Variants in EPAS1 observed in about 807,000 individuals in gnomAD.
The protein encoded by EPAS1 is endothelial PAS domain protein 1.
In EPAS1, 23 loss-of-function variants were observed where a neutral mutation model predicts 87.9. That is an observed-to-expected ratio of 0.26 (90% CI 0.19 to 0.37). The LOEUF is 0.37. EPAS1 is among the 10% of genes least tolerant of loss of function. EPAS1 has a pLI of 1.00. For missense variants in EPAS1, 1,138 were observed against 1,120.7 expected (o/e 1.02, Z -0.22); for synonymous variants, 508 against 444.3 (o/e 1.14, Z -1.80).
At chr2:46,367,979 C>T (rs1407876948) in intron 6 of EPAS1, among the ~76,000 whole-genome samples, 1 of 152,122 alleles carries the variant, frequency 6.6e-6, no homozygotes, top group Non-Finnish European at 1.5e-5. Flanking sequence ...AAAGTAGATC[C>T]TTAGTGCCCA....
intron 1 of EPAS1, among the ~76,000 whole-genome samples, chr2:46,332,521 A>T (rs979088283): frequency 3.3e-5 from 5 of 152,148 alleles, no homozygotes; most frequent in Admixed American, 3.3e-4. Context: ...TGTGTCTTGC[A>T]GGGAAGTCAA....
At position 46,378,672 on chromosome 2, in the gene EPAS1, G is replaced by T; in HGVS notation, c.1459G>T (p.Asp487Tyr). 1 of 1,614,096 alleles carries T rather than the reference G, an allele frequency of 6.2e-7. No individual in the cohort carries two copies. Among genetic ancestry groups the T allele is most frequent in the Non-Finnish European group, 8.5e-7 (1 of 1,179,992 alleles). Residue 487 changes from aspartate to tyrosine, a missense_variant, in exon 11 of 16, where the codon GAC becomes TAC. Transcript: ENST00000263734. The stretch of plus-strand genomic sequence containing the variant: ...TGGCCCCTAGCCCAATAGCCCTGAA[G>T]ACTATTACACATCTTTGGATAACGA... ...SSCSTPNSPE[D>Y]YYTSLDNDLK...
At chr2:46,321,058 C>A (rs989875766) in intron 1 of EPAS1, among the ~76,000 whole-genome samples, 1 of 152,190 alleles carries the variant, frequency 6.6e-6, no homozygotes, top group Non-Finnish European at 1.5e-5. Context: ...ATGCTCCAAT[C>A]CCCGATAATC....
At chr2:46,313,463 T>A (rs1287300351) in intron 1 of EPAS1, among the ~76,000 whole-genome samples, 1 of 151,980 alleles carries the variant, frequency 6.6e-6, no homozygotes, top group African/African-American at 2.4e-5. Context: ...ATTTATTTAT[T>A]TATTTTTGAG....
chr2:46,304,087 C>A (rs1683062309), intron 1 of EPAS1, among the ~76,000 whole-genome samples: 1 of 152,170 alleles, frequency 6.6e-6, no homozygotes, highest in African/African-American at 2.4e-5. Context: ...CTCAAATGTT[C>A]CATCATCCTC....
chr2:46,318,170 GGAGA>G (rs896466748), intron 1 of EPAS1, among the ~76,000 whole-genome samples: 4 of 101,012 alleles, frequency 4.0e-5, no homozygotes, highest in Admixed American at 2.3e-4. Flanking sequence ...TTGGGGAGGG[GGAGA>G]GAGAGATACA....
chr2:46,301,524 C>T (rs774319722), intron 1 of EPAS1, among the ~76,000 whole-genome samples: 1 of 147,104 alleles, frequency 6.8e-6, no homozygotes, highest in Non-Finnish European at 1.5e-5. Context: ...CTGCAGTGAG[C>T]GGAGATAGCG....
chr2:46,378,243 C>A (rs1010190695), intron 10 of EPAS1, among the ~76,000 whole-genome samples, 156 bp downstream of exon 10: 2 of 152,246 alleles, frequency 1.3e-5, no homozygotes, highest in Admixed American at 6.5e-5. Context: ...GGTATCAGAG[C>A]TGTTTTCTTC....
At position 46,371,755 on chromosome 2, in the gene EPAS1, T is replaced by A. The variant is rs1684630854; in HGVS notation, c.886+1822T>A. ...TGGCCCAGCCGACCCACTGATTCCC[T>A]AGGGCCTGGATTTCTGGACCTTCCT... On this transcript the variant is annotated intron_variant, in intron 7 of 15. Coordinates refer to ENST00000263734, the MANE Select transcript of EPAS1 (RefSeq NM_001430.5). This position sits in a 1 kb window ranked among gnomAD's most constrained non-coding sequence, Gnocchi z 4.3. 6.6e-6 allele frequency among the ~76,000 whole-genome samples: 1 copy of A among 152,226 alleles called. No individual in the cohort carries two copies. The highest frequency in any genetic ancestry group is 1.5e-5 in the Non-Finnish European group (1 of 68,038).
At chr2:46,369,523 C>G (rs1684581441) in intron 6 of EPAS1, among the ~76,000 whole-genome samples, 1 of 152,176 alleles carries the variant, frequency 6.6e-6, no homozygotes, top group East Asian at 1.9e-4. Context: ...TCCAGTGGTT[C>G]TTGGAGAACA....
At chr2:46,312,943 A>C (rs1177921142) in intron 1 of EPAS1, among the ~76,000 whole-genome samples, 9 of 152,266 alleles carry the variant, frequency 5.9e-5, no homozygotes, top group Admixed American at 5.2e-4. Flanking sequence ...AGCACACCCA[A>C]ATCTCTAAAC....
chr2:46,318,763 A>G (rs1683395635), intron 1 of EPAS1, among the ~76,000 whole-genome samples: 1 of 152,242 alleles, frequency 6.6e-6, no homozygotes, highest in African/African-American at 2.4e-5. Context: ...TAAATTCAAC[A>G]TTAATTATTA....
At position 46,380,117 on chromosome 2, in the gene EPAS1, C is replaced by T. The variant is rs1684852757; in HGVS notation, c.1555-110C>T. 1 of 1,573,452 alleles carries T rather than the reference C, an allele frequency of 6.4e-7. No homozygotes were observed. The highest frequency in any genetic ancestry group is 2.2e-5 in the East Asian group (1 of 44,742). On this transcript the variant is annotated intron_variant, in intron 11 of 15. Coordinates refer to ENST00000263734, the MANE Select transcript of EPAS1 (RefSeq NM_001430.5). This position sits in a 1 kb window ranked among gnomAD's most constrained non-coding sequence, Gnocchi z 4.4. ...GGAGCCAGTGGAGGCGTTTGAGCAG[C>T]ACTGTGAAACAGTGCTTGAGATGAA...
At chr2:46,379,474 C>A (rs1429086811) in intron 11 of EPAS1, among the ~76,000 whole-genome samples, 1 of 152,214 alleles carries the variant, frequency 6.6e-6, no homozygotes, top group Admixed American at 6.5e-5. Context: ...CACCCTCCCT[C>A]CTCAGCACTC....
intron 10 of EPAS1, 122 bp downstream of exon 10, chr2:46,378,209 A>G (rs927881768): frequency 6.8e-7 from 1 of 1,469,440 alleles, no homozygotes; most frequent in African/African-American, 1.4e-5. Context: ...AGCCCCCTAG[A>G]GTGGCCGTGA....
In EPAS1 at chr2:46,385,358, T is replaced by TAAC. The variant is rs1034670344; in HGVS notation, c.*699_*701dup. Reference sequence around the variant, plus strand: ...GATTTTTTATTATTATTCAAAAACATAACTGAGTTTTTTAAAAGAGGAGAA... The same window carrying TAAC: ...GATTTTTTATTATTATTCAAAAACATAACAACTGAGTTTTTTAAAAGAGGAGAA... On this transcript the variant is annotated 3_prime_UTR_variant, in exon 16 of 16. Coordinates refer to ENST00000263734, the MANE Select transcript of EPAS1 (RefSeq NM_001430.5). 25 of 152,342 alleles carry TAAC rather than the reference T, an allele frequency of 1.6e-4. No homozygotes were observed. Among genetic ancestry groups the TAAC allele is most frequent in the Admixed American group, 1.4e-3 (22 of 15,296 alleles). 9.4% of individuals were successfully genotyped at this position (152,342 alleles called of 1,614,324 possible).
At chr2:46,359,276 A>AAAAAAAAAAAAAAAAAAAAAAAC (rs1684337581) in intron 4 of EPAS1, among the ~76,000 whole-genome samples, 3 of 148,760 alleles carry the variant, frequency 2.0e-5, no homozygotes, top group Non-Finnish European at 4.5e-5. Flanking sequence ...AAAAAAAAAA[A>AAAAAAAAAAAAAAAAAAAAAAAC]AAAAAGATCA....
rs1220721542 is a variant in EPAS1 at position 46,385,352 on chromosome 2, A to AAT, written c.*693_*694insTA. On this transcript the variant is annotated 3_prime_UTR_variant, in exon 16 of 16. Coordinates refer to ENST00000263734, the MANE Select transcript of EPAS1 (RefSeq NM_001430.5). ...TTGGTGGATTTTTTATTATTATTCA[A>AAT]AAACATAACTGAGTTTTTTAAAAGA... is the stretch of plus-strand genomic sequence containing the variant. 7.9e-5 allele frequency: 12 copies of AAT among 152,380 alleles called. No homozygotes were observed. The highest frequency in any genetic ancestry group is 2.9e-4 in the African/African-American group (12 of 41,242). 9.4% of individuals were successfully genotyped at this position (152,380 alleles called of 1,614,324 possible).
At chr2:46,362,953 AGTGGTGGTGGTGGTGGTGGTGGTAGTG>A (rs763542821) in intron 6 of EPAS1, among the ~76,000 whole-genome samples, 1,043 of 78,074 alleles carry the variant, frequency 0.013, 20 homozygotes, top group African/African-American at 0.046. Context: ...TGTAATTGTT[AGTGGTGGTGGTGGTGGTGGTGGTAGTG>A]GTGGTGGTGG....
Sources: gnomAD v4.1 joint callset for allele counts (sites outside exome capture counted in the v4.1 genomes callset) on GRCh38, gnomAD v4.1.1 for gene constraint, Gnocchi (gnomAD v3.1) non-coding constraint, MANE v1.5 for transcripts, NCBI Gene and HGNC (gene_info 2026-07-23, HGNC 2026-07-21) for gene names.